Variants in SLC7A14 observed in about 807,000 individuals in gnomAD.
SLC7A14 encodes the protein solute carrier family 7 member 14.
Under a neutral mutation model 60.2 loss-of-function variants are expected in SLC7A14, and 37 were observed. The observed-to-expected ratio is 0.61, with a 90% CI of 0.47 to 0.81. The LOEUF (loss-of-function observed/expected upper bound fraction) is 0.81. SLC7A14 is among the 30% of genes least tolerant of loss of function. The pLI, the probability that SLC7A14 is intolerant of heterozygous loss-of-function variation, is 0.00. For synonymous variants in SLC7A14, 399 were observed against 395.8 expected (o/e 1.01, Z -0.10); for missense variants, 886 against 982.7 (o/e 0.90, Z 1.32).
In SLC7A14 at chr3:170,486,291, C is replaced by T. The variant is rs369062426; in HGVS notation, c.837G>A (p.Lys279=). 42 of 1,614,116 alleles carry T rather than the reference C, an allele frequency of 2.6e-5. No homozygotes were observed. In the African/African-American group the frequency reaches 5.3e-4, roughly 21 times the overall value. Residue 279 remains lysine, a synonymous_variant, in exon 5 of 8, where the codon AAG becomes AAA. Coordinates refer to ENST00000231706, the MANE Select transcript of SLC7A14 (RefSeq NM_020949.3). The part of the protein sequence containing the change: ...DIIATTGEEA[K]NPNTSIPYAI... ...CATAAGGGATGGACGTGTTGGGATT[C>T]TTGGCTTCCTCTCCAGTGGTGGCGA...
At chr3:170,567,183 A>G (rs1157203090) in intron 1 of SLC7A14, among the ~76,000 whole-genome samples, 5 of 122,414 alleles carry the variant, frequency 4.1e-5, no homozygotes, top group African/African-American at 6.4e-5. Context: ...AACAGTCCCC[A>G]GAATGTGATG....
rs763457832 is a variant in SLC7A14 at position 170,535,298 on chromosome 3, A to G, written c.-152-8210T>C. On this transcript the variant is annotated intron_variant, in intron 1 of 7. Coordinates refer to ENST00000231706, the MANE Select transcript of SLC7A14 (RefSeq NM_020949.3). The surrounding 1 kb of genome is among the most constrained non-coding windows in gnomAD (Gnocchi z 4.3). ...ATGAAAAACTCTTCATTAATCAGATATTACTGGGAAACCTCTCTGTTAGAA... is the reference window on the plus strand; with the variant it reads ...ATGAAAAACTCTTCATTAATCAGATGTTACTGGGAAACCTCTCTGTTAGAA... Among the ~76,000 whole-genome samples the G allele has an allele frequency of 6.6e-6, 1 of 152,078 alleles. No individual in the cohort carries two copies. Among genetic ancestry groups the G allele is most frequent in the Non-Finnish European group, 1.5e-5 (1 of 68,008 alleles).
intron 1 of SLC7A14, among the ~76,000 whole-genome samples, chr3:170,563,467 G>A (rs1714713546): frequency 6.7e-6 from 1 of 148,908 alleles, no homozygotes. Context: ...GCCCAGGCTG[G>A]AGTGCAATGG....
chr3:170,565,176 G>A (rs188748568), intron 1 of SLC7A14, among the ~76,000 whole-genome samples: 1 of 152,240 alleles, frequency 6.6e-6, no homozygotes, highest in East Asian at 1.9e-4. Flanking sequence ...AGGAATCCCT[G>A]GCCTGGCAGG....
At chr3:170,499,658 T>G (rs939028195) in intron 3 of SLC7A14, among the ~76,000 whole-genome samples, 1 of 152,206 alleles carries the variant, frequency 6.6e-6, no homozygotes, top group East Asian at 1.9e-4. Flanking sequence ...TAAGAGGGGT[T>G]TTCTGTCCTT....
intron 2 of SLC7A14, 29 bp downstream of exon 2, chr3:170,526,604 A>G (rs929194429): frequency 1.2e-6 from 2 of 1,605,032 alleles, no homozygotes; most frequent in African/African-American, 2.7e-5. Flanking sequence ...CACACTTTCC[A>G]CAGTACTTCC....
intron 1 of SLC7A14, among the ~76,000 whole-genome samples, chr3:170,549,207 C>CCTT (rs1199270634): frequency 7.1e-6 from 1 of 141,624 alleles, no homozygotes; most frequent in Admixed American, 7.0e-5. Flanking sequence ...GGGACACCGG[C>CCTT]CTTCTTCTTT....
intron 1 of SLC7A14, among the ~76,000 whole-genome samples, chr3:170,556,907 CT>C (rs1714500681): frequency 6.6e-6 from 1 of 152,190 alleles, no homozygotes; most frequent in Non-Finnish European, 1.5e-5. Flanking sequence ...ACCAGGCTAT[CT>C]CCCACTCTCA....
At chr3:170,552,694 A>G (rs1287064845) in intron 1 of SLC7A14, among the ~76,000 whole-genome samples, 1 of 152,126 alleles carries the variant, frequency 6.6e-6, no homozygotes, top group Non-Finnish European at 1.5e-5. Flanking sequence ...GCAATACCAC[A>G]CCCATTGAGA....
At chr3:170,564,048 C>T (rs1265822722) in intron 1 of SLC7A14, among the ~76,000 whole-genome samples, 1 of 152,142 alleles carries the variant, frequency 6.6e-6, no homozygotes, top group African/African-American at 2.4e-5. Context: ...TCTTTTCTCC[C>T]CATTTCACTT....
At chr3:170,561,854 GA>G (rs1714663426) in intron 1 of SLC7A14, among the ~76,000 whole-genome samples, 1 of 152,006 alleles carries the variant, frequency 6.6e-6, no homozygotes, top group Non-Finnish European at 1.5e-5. Context: ...AAATTCTCAA[GA>G]AAAGATATAC....
At chr3:170,576,798 T>C (rs1197292185) in intron 1 of SLC7A14, among the ~76,000 whole-genome samples, 2 of 152,124 alleles carry the variant, frequency 1.3e-5, no homozygotes, top group Non-Finnish European at 2.9e-5. Flanking sequence ...ACATTCTAGA[T>C]CCCAGTCCAC....
chr3:170,571,593 ATATTGTTTAGCAACAT>A (rs1047720321), intron 1 of SLC7A14, among the ~76,000 whole-genome samples: 4 of 152,210 alleles, frequency 2.6e-5, no homozygotes, highest in Admixed American at 6.5e-5. Context: ...TTTAGCAACA[ATATTGTTTAGCAACAT>A]TACTCAAGAA....
chr3:170,482,857 G>A (rs1233235657), intron 6 of SLC7A14, among the ~76,000 whole-genome samples: 1 of 151,974 alleles, frequency 6.6e-6, no homozygotes, highest in Non-Finnish European at 1.5e-5. Flanking sequence ...TGGTGTTGCA[G>A]GTATTGTTAG....
chr3:170,503,944 C>T (rs1034038709), intron 2 of SLC7A14, among the ~76,000 whole-genome samples: 5 of 152,200 alleles, frequency 3.3e-5, no homozygotes, highest in African/African-American at 1.2e-4. Context: ...TTCCCAAGGT[C>T]CTGCTGGGGT....
At chr3:170,496,198 T>C in intron 4 of SLC7A14, 2 of 911,338 alleles carry the variant, frequency 2.2e-6, no homozygotes, top group Non-Finnish European at 1.8e-6. Context: ...TCCCTGGACA[T>C]GGACAGCATC....
chr3:170,562,743 ATAT>A (rs1714688671), intron 1 of SLC7A14, among the ~76,000 whole-genome samples: 2 of 152,074 alleles, frequency 1.3e-5, no homozygotes, highest in African/African-American at 4.8e-5. Context: ...GCTACAAGAA[ATAT>A]TATTATTATT....
At chr3:170,534,446 G>A (rs537336913) in intron 1 of SLC7A14, among the ~76,000 whole-genome samples, 1 of 152,324 alleles carries the variant, frequency 6.6e-6, no homozygotes, top group Non-Finnish European at 1.5e-5. Context: ...GAAGGCAGGT[G>A]AGTCACATGG....
At position 170,585,409 on chromosome 3, in the gene SLC7A14, C is replaced by T. The variant is rs1408354162; in HGVS notation, c.-153+502G>A. On this transcript the variant is annotated intron_variant, in intron 1 of 7. Coordinates refer to ENST00000231706, the MANE Select transcript of SLC7A14 (RefSeq NM_020949.3). The surrounding 1 kb of genome is among the most constrained non-coding windows in gnomAD (Gnocchi z 5.1). ...CCAGGTAAAAGGGCAGACGTTGCTC[C>T]CGACCTCCCCGGAGTCTGCGGCCGG... is the stretch of plus-strand genomic sequence containing the variant. 6.6e-6 allele frequency among the ~76,000 whole-genome samples: 1 copy of T among 152,188 alleles called. No homozygotes were observed. The highest frequency in any genetic ancestry group is 1.5e-5 in the Non-Finnish European group (1 of 68,024).
Sources: gnomAD v4.1 joint callset for allele counts (sites outside exome capture counted in the v4.1 genomes callset) on GRCh38, gnomAD v4.1.1 for gene constraint, Gnocchi (gnomAD v3.1) non-coding constraint, MANE v1.5 for transcripts, NCBI Gene and HGNC (gene_info 2026-07-23, HGNC 2026-07-21) for gene names.